CNTN1: variants seen among roughly 807,000 people sequenced by gnomAD.
The protein encoded by CNTN1 is contactin-1.
In CNTN1, 38 loss-of-function variants were observed where a neutral mutation model predicts 126.4. The ratio of observed to expected loss-of-function variants is 0.30; its 90% CI spans 0.23 to 0.39. The LOEUF is 0.39. Ranked by LOEUF, CNTN1 falls within the 10% of genes least tolerant of loss-of-function variation. The pLI, the probability that CNTN1 is intolerant of heterozygous loss-of-function variation, is 1.00. For missense variants in CNTN1, 1,009 were observed against 1,248.4 expected (o/e 0.81, Z 2.89); for synonymous variants, 413 against 422.6 (o/e 0.98, Z 0.28).
At chr12:40,958,351 ATGTGTGTGTG>A (rs34419027) in intron 14 of CNTN1, among the ~76,000 whole-genome samples, 20 of 147,150 alleles carry the variant, frequency 1.4e-4, no homozygotes, top group Non-Finnish European at 2.3e-4. Flanking sequence ...GTGTGTATAT[ATGTGTGTGTG>A]TGTGTGTGTG....
chr12:40,692,754 T>A (rs977091631), intron 1 of CNTN1, among the ~76,000 whole-genome samples, 162 bp downstream of exon 1: 20 of 152,086 alleles, frequency 1.3e-4, no homozygotes, highest in African/African-American at 4.3e-4. Flanking sequence ...GGGGCGGAGG[T>A]GGCTGGGGTG....
In CNTN1 at chr12:40,943,751, T is replaced by C. The variant is rs1226720407; in HGVS notation, c.1507+27T>C. ...TAAGTTAATGTTTGAGGGTGCTTAA[T>C]TTCTAATGTATTAAAAAACATGATT... is the stretch of plus-strand genomic sequence containing the variant. On this transcript the variant is annotated intron_variant, in intron 13 of 23. Transcript: ENST00000551295. The C allele has an allele frequency of 1.9e-6, 3 of 1,610,816 alleles. No individual in the cohort carries two copies. The Admixed American group carries it at 5.0e-5, about 27-fold the overall frequency.
At chr12:40,866,562 G>GTGATC (rs1397273546) in intron 1 of CNTN1, among the ~76,000 whole-genome samples, 1 of 152,016 alleles carries the variant, frequency 6.6e-6, no homozygotes, top group Non-Finnish European at 1.5e-5. Flanking sequence ...TCTATGCAGG[G>GTGATC]TGATCATATG....
Position 41,070,176 on chromosome 12 carries a change from A to G in CNTN1, c.*141A>G. The G allele has an allele frequency of 1.3e-6, 1 of 751,568 alleles. No homozygotes were observed. 46.6% of individuals were successfully genotyped at this position (751,568 alleles called of 1,614,324 possible). A position where few individuals can be genotyped will look rare whatever the true frequency, so the allele number is the denominator to read the frequency against. Reference sequence around the variant, plus strand: ...TTAACAAACTATTCAACTGATTTACAACACACATGATGACTGAGGCATTCG... The same window carrying G: ...TTAACAAACTATTCAACTGATTTACGACACACATGATGACTGAGGCATTCG... On this transcript the variant is annotated 3_prime_UTR_variant, in exon 24 of 24. Transcript: ENST00000551295.
intron 23 of CNTN1, among the ~76,000 whole-genome samples, chr12:41,050,464 A>G (rs763057205): frequency 6.6e-6 from 1 of 152,150 alleles, no homozygotes; most frequent in Non-Finnish European, 1.5e-5. Flanking sequence ...GAAGTGCTAC[A>G]CACTTTTAAA....
intron 3 of CNTN1, among the ~76,000 whole-genome samples, chr12:40,916,261 G>A (rs1292884250): frequency 2.0e-5 from 3 of 151,988 alleles, no homozygotes; most frequent in Non-Finnish European, 4.4e-5. Context: ...GTCTTTTTAA[G>A]CATTTTTATA....
chr12:40,857,801 G>C (rs530009590), intron 1 of CNTN1, among the ~76,000 whole-genome samples: 4 of 152,180 alleles, frequency 2.6e-5, no homozygotes, highest in African/African-American at 9.6e-5. Flanking sequence ...GATAGCCCAG[G>C]CCCTAAACAG....
chr12:40,708,467 C>T (rs145055421), intron 1 of CNTN1, among the ~76,000 whole-genome samples: 474 of 152,250 alleles, frequency 3.1e-3, no homozygotes, highest in African/African-American at 0.011. Context: ...TCTCTTTTTG[C>T]TGGGAGAGGG....
chr12:40,764,986 A>G (rs1939021539), intron 1 of CNTN1, among the ~76,000 whole-genome samples: 1 of 152,114 alleles, frequency 6.6e-6, no homozygotes, highest in Non-Finnish European at 1.5e-5. Flanking sequence ...CTTTACAAAA[A>G]TATTTGTAAA....
At chr12:40,866,015 T>A (rs1405255735) in intron 1 of CNTN1, among the ~76,000 whole-genome samples, 1 of 152,112 alleles carries the variant, frequency 6.6e-6, no homozygotes, top group Non-Finnish European at 1.5e-5. Context: ...TAGTTTTCAG[T>A]GTAAATTTCT....
chr12:40,728,109 G>A (rs1942404252), intron 1 of CNTN1, among the ~76,000 whole-genome samples: 1 of 152,134 alleles, frequency 6.6e-6, no homozygotes, highest in Non-Finnish European at 1.5e-5. Context: ...TCCGGGTTGA[G>A]GACTGACATC....
At chr12:40,980,732 G>C (rs898423852) in intron 15 of CNTN1, among the ~76,000 whole-genome samples, 177 bp from the exon 16 acceptor site, 8 of 152,268 alleles carry the variant, frequency 5.3e-5, no homozygotes, top group African/African-American at 1.9e-4. Context: ...AAATCATTCA[G>C]TGAAAACTAC....
chr12:40,867,190 C>A (rs553881765), intron 1 of CNTN1, among the ~76,000 whole-genome samples: 2 of 152,264 alleles, frequency 1.3e-5, no homozygotes, highest in South Asian at 2.1e-4. Flanking sequence ...AGTTGAAGAA[C>A]CCTCAAGTCA....
rs114392326 is a variant in CNTN1 at position 40,803,938 on chromosome 12, G to A, written c.-76-104419G>A. On this transcript the variant is annotated intron_variant, in intron 1 of 23. Transcript: ENST00000551295. ...GATCTTAATACCTGATCACTTACAC[G>A]ACAACAAGCTATGATTCACTTACAA... Among the ~76,000 whole-genome samples the A allele has an allele frequency of 5.6e-3, 852 of 152,048 alleles. 5 individuals carry two copies. Among genetic ancestry groups the A allele is most frequent in the African/African-American group, 0.019 (785 of 41,506 alleles).
rs749913773 is a variant in CNTN1, at chr12:41,029,118, A to G, written c.2879A>G (p.His960Arg). The part of the protein sequence containing the change: ...HDGKLYSTHK[H>R]SIEVPIPRDG... ...GGCAAGCTGTATTCAACTCACAAAC[A>G]CTCCATAGAAGTCCCAATCCCCAGA... Residue 960 changes from histidine (H) to arginine (R), a missense_variant, in exon 23 of 24, where the codon CAC (histidine) becomes CGC (arginine). His to Arg is a conservative substitution (Grantham distance 29). Transcript: ENST00000551295. 1 of 1,613,906 alleles carries G rather than the reference A, an allele frequency of 6.2e-7. No individual in the cohort carries two copies. The highest frequency in any genetic ancestry group is 1.1e-5 in the South Asian group (1 of 91,072).
At chr12:40,773,749 C>G (rs1405412123) in intron 1 of CNTN1, among the ~76,000 whole-genome samples, 2 of 144,262 alleles carry the variant, frequency 1.4e-5, no homozygotes, top group Non-Finnish European at 3.0e-5. Flanking sequence ...ATTCTAAGTA[C>G]TTTCTGGCAA....
In CNTN1 at chr12:40,839,023, G is replaced by GA. The variant is rs1429627057; in HGVS notation, c.-76-69328dup. On this transcript the variant is annotated intron_variant, in intron 1 of 23. Coordinates refer to ENST00000551295, the MANE Select transcript of CNTN1 (RefSeq NM_001843.4). ...GTCTGAAAATGATACAAAGAAATCAGAAAAAACAATCCAGGATATGAATGA... is the reference window on the plus strand; with the variant it reads ...GTCTGAAAATGATACAAAGAAATCAGAAAAAAACAATCCAGGATATGAATGA... 7.2e-5 allele frequency among the ~76,000 whole-genome samples: 11 copies of GA among 151,998 alleles called. No individual in the cohort carries two copies. In the South Asian group the frequency reaches 8.3e-4, roughly 11 times the overall value.
intron 1 of CNTN1, among the ~76,000 whole-genome samples, chr12:40,892,355 G>A (rs1043605164): frequency 3.9e-5 from 6 of 151,954 alleles, no homozygotes; most frequent in Admixed American, 2.6e-4. Flanking sequence ...TGTTTGTTTC[G>A]TAAAATAATA....
chr12:40,955,883 G>A (rs1946860664), intron 14 of CNTN1, among the ~76,000 whole-genome samples: 1 of 152,018 alleles, frequency 6.6e-6, no homozygotes. Context: ...TGGGAGGTGG[G>A]GCAATCCAGG....
Sources: gnomAD v4.1 joint callset for allele counts (sites outside exome capture counted in the v4.1 genomes callset) on GRCh38, gnomAD v4.1.1 for gene constraint, MANE v1.5 for transcripts, NCBI Gene and HGNC (gene_info 2026-07-23, HGNC 2026-07-21) for gene names.